Variants in DPYD observed in about 807,000 individuals in gnomAD.
DPYD encodes the protein dihydropyrimidine dehydrogenase [NADP(+)].
A neutral mutation model predicts 116.2 loss-of-function variants in DPYD; 109 were observed. That is an observed-to-expected ratio of 0.94 (90% CI 0.80 to 1.10). The LOEUF (loss-of-function observed/expected upper bound fraction) is 1.10. DPYD is among the 50% of genes least tolerant of loss of function. The probability of loss-of-function intolerance (pLI) is 0.00; values close to 1 mark genes in which losing one functional copy is unlikely to be tolerated. For missense variants in DPYD, 1,302 were observed against 1,254.5 expected (o/e 1.04, Z -0.57); for synonymous variants, 440 against 432.0 (o/e 1.02, Z -0.23).
At chr1:97,174,307 A>G (rs896659635) in intron 20 of DPYD, among the ~76,000 whole-genome samples, 1 of 152,148 alleles carries the variant, frequency 6.6e-6, no homozygotes, top group African/African-American at 2.4e-5. Flanking sequence ...AGGCCTACCA[A>G]AAGACCTAAT....
At chr1:97,361,269 C>A (rs1000566690) in intron 16 of DPYD, among the ~76,000 whole-genome samples, 1 of 152,156 alleles carries the variant, frequency 6.6e-6, no homozygotes, top group Non-Finnish European at 1.5e-5. Context: ...AGATGAATCT[C>A]TGAATAGACC....
At chr1:97,214,773 T>C (rs1316919102) in intron 19 of DPYD, among the ~76,000 whole-genome samples, 1 of 152,378 alleles carries the variant, frequency 6.6e-6, no homozygotes, top group African/African-American at 2.4e-5. Flanking sequence ...GCCAGTTGGC[T>C]GTCTTGTCTC....
intron 14 of DPYD, among the ~76,000 whole-genome samples, chr1:97,442,970 C>A (rs1675882125): frequency 6.6e-6 from 1 of 152,082 alleles, no homozygotes; most frequent in Non-Finnish European, 1.5e-5. Flanking sequence ...TGAATAATTA[C>A]CGTGTGTCAA....
intron 16 of DPYD, among the ~76,000 whole-genome samples, chr1:97,337,266 AG>A (rs1669340469): frequency 1.3e-5 from 2 of 152,204 alleles, no homozygotes; most frequent in African/African-American, 4.8e-5. Context: ...GCATATGAGT[AG>A]GGAAGTTTGT....
intron 10 of DPYD, among the ~76,000 whole-genome samples, chr1:97,589,499 G>C (rs72732346): frequency 6.6e-6 from 1 of 152,048 alleles, no homozygotes; most frequent in South Asian, 2.1e-4. Context: ...CTCCATGATC[G>C]TTAAGTTTCC....
At chr1:97,735,314 T>C (rs1663862753) in intron 4 of DPYD, among the ~76,000 whole-genome samples, 1 of 152,008 alleles carries the variant, frequency 6.6e-6, no homozygotes, top group Non-Finnish European at 1.5e-5. Flanking sequence ...ACAGACAGTA[T>C]CATCAGACTC....
intron 20 of DPYD, among the ~76,000 whole-genome samples, chr1:97,178,582 G>T (rs1347589404): frequency 1.3e-5 from 2 of 152,076 alleles, no homozygotes; most frequent in African/African-American, 2.4e-5. Context: ...CTCTCACCAG[G>T]TTCCACCCTT....
At chr1:97,427,696 G>GAA (rs535797637) in intron 14 of DPYD, among the ~76,000 whole-genome samples, 14 of 135,786 alleles carry the variant, frequency 1.0e-4, no homozygotes, top group Admixed American at 3.7e-4. Flanking sequence ...AATGAAGCAA[G>GAA]AAAAAAAAAA....
chr1:97,281,669 C>T lies in DPYD; in HGVS notation c.2299+23590G>A, dbSNP rs114589803. 5.6e-3 allele frequency among the ~76,000 whole-genome samples: 853 copies of T among 151,822 alleles called. 6 individuals are homozygous for T. The highest frequency in any genetic ancestry group is 0.011 in the Admixed American group (162 of 15,252). Reference sequence around the variant, plus strand: ...TCTCAGGAAGTTATCAAACTAAGTCCCAGAAAAATAAGTAAATATACTAAG... The same window carrying T: ...TCTCAGGAAGTTATCAAACTAAGTCTCAGAAAAATAAGTAAATATACTAAG... On this transcript the variant is annotated intron_variant, in intron 18 of 22. Transcript: ENST00000370192.
chr1:97,177,928 C>A (rs909470049), intron 20 of DPYD, among the ~76,000 whole-genome samples: 10 of 152,092 alleles, frequency 6.6e-5, no homozygotes, highest in African/African-American at 2.4e-4. Flanking sequence ...ATACAGATGG[C>A]AACTTCTCAC....
chr1:97,852,808 A>T (rs1670638055), intron 2 of DPYD, among the ~76,000 whole-genome samples: 1 of 152,204 alleles, frequency 6.6e-6, no homozygotes, highest in Non-Finnish European at 1.5e-5. Flanking sequence ...CAGGCAAAAA[A>T]TGATGTTCGT....
chr1:97,225,003 GTCTATC>G (rs1661027976), intron 19 of DPYD, among the ~76,000 whole-genome samples: 2 of 127,062 alleles, frequency 1.6e-5, no homozygotes, highest in African/African-American at 6.8e-5. Flanking sequence ...CTGTCTGTCT[GTCTATC>G]TATCTATCTA....
chr1:97,739,900 G>T (rs1180284917), intron 4 of DPYD, among the ~76,000 whole-genome samples: 1 of 151,704 alleles, frequency 6.6e-6, no homozygotes, highest in African/African-American at 2.4e-5. Flanking sequence ...TCTAATTTTA[G>T]TTGTGTATTT....
In DPYD at chr1:97,699,436, T is replaced by C. The variant is rs759479759; in HGVS notation, c.595A>G (p.Ser199Gly). The C allele has an allele frequency of 6.8e-6, 11 of 1,613,708 alleles. No individual in the cohort carries two copies. Among genetic ancestry groups the C allele is most frequent in the Non-Finnish European group, 7.6e-6 (9 of 1,179,706 alleles). ...GCCAAAAAGGAAGCACAACTTATACTTGCAGGCCCAGCACCAAAAAGAGCA... is the reference window on the plus strand; with the variant it reads ...GCCAAAAAGGAAGCACAACTTATACCTGCAGGCCCAGCACCAAAAAGAGCA... The part of the protein sequence containing the change: ...KIALFGAGPA[S>G]ISCASFLARL... Residue 199 changes from serine (S) to glycine (G), a missense_variant, in exon 6 of 23, where the codon AGT (serine) becomes GGT (glycine). Physicochemically the swap from Ser to Gly is moderately conservative, Grantham distance 56. Transcript: ENST00000370192.
chr1:97,741,327 C>T (rs1415286947), intron 3 of DPYD, among the ~76,000 whole-genome samples: 13 of 152,294 alleles, frequency 8.5e-5, no homozygotes, highest in South Asian at 4.1e-4. Flanking sequence ...TTAATCTCAT[C>T]TGACTCTCCT....
At chr1:97,081,717 C>CTTTTT (rs371355751) in intron 22 of DPYD, among the ~76,000 whole-genome samples, 56 of 136,376 alleles carry the variant, frequency 4.1e-4, no homozygotes, top group East Asian at 6.6e-4. Context: ...CTTTTCTTTT[C>CTTTTT]TTTTTTTTTT....
At chr1:97,790,033 G>A (rs1423285115) in intron 3 of DPYD, among the ~76,000 whole-genome samples, 1 of 152,208 alleles carries the variant, frequency 6.6e-6, no homozygotes, top group Non-Finnish European at 1.5e-5. Context: ...GTATTTGTGG[G>A]AGGTGGGGCA....
At chr1:97,503,114 T>C (rs939232788) in intron 13 of DPYD, among the ~76,000 whole-genome samples, 22 of 152,044 alleles carry the variant, frequency 1.4e-4, no homozygotes, top group African/African-American at 5.3e-4. Flanking sequence ...GCCTTCTGCA[T>C]GCAAGCTTGT....
At chr1:97,490,340 TTA>T (rs1678899328) in intron 13 of DPYD, among the ~76,000 whole-genome samples, 1 of 148,032 alleles carries the variant, frequency 6.8e-6, no homozygotes, top group Admixed American at 6.8e-5. Context: ...TGATAATATA[TTA>T]TATATTACAT....
Sources: gnomAD v4.1 joint callset for allele counts (sites outside exome capture counted in the v4.1 genomes callset) on GRCh38, gnomAD v4.1.1 for gene constraint, MANE v1.5 for transcripts, NCBI Gene and HGNC (gene_info 2026-07-23, HGNC 2026-07-21) for gene names.